The following KCNMA1 variants were observed in gnomAD, a reference collection of about 807,000 sequenced individuals.
KCNMA1 encodes the protein Calcium-activated potassium channel subunit alpha-1.
Under a neutral mutation model 140.0 loss-of-function variants are expected in KCNMA1, and 29 were observed. The observed-to-expected ratio is 0.21, with a 90% CI of 0.15 to 0.28. The LOEUF (loss-of-function observed/expected upper bound fraction) is 0.28, where lower values mean the gene tolerates loss of function less well. KCNMA1 is among the 10% of genes least tolerant of loss of function. The pLI is 1.00. For missense variants in KCNMA1, 880 were observed against 1,602.2 expected, an observed-to-expected ratio of 0.55 and a Z score of 7.70; for synonymous variants, 612 against 611.9, an observed-to-expected ratio of 1.00 and a Z score of 0.00.
At chr10:77,573,040 A>T (rs1454032241) in intron 1 of KCNMA1, among the ~76,000 whole-genome samples, 1 of 152,136 alleles carries the variant, frequency 6.6e-6, no homozygotes, top group Non-Finnish European at 1.5e-5. Context: ...CCCTCCATGA[A>T]TTAGGTAAAA....
intron 3 of KCNMA1, among the ~76,000 whole-genome samples, chr10:77,242,886 C>T (rs900289755): frequency 7.1e-6 from 1 of 141,832 alleles, no homozygotes; most frequent in African/African-American, 2.7e-5. Flanking sequence ...TTAGGCAGGA[C>T]ATAATTGTTT....
chr10:77,107,562 C>T (rs1030647016), intron 9 of KCNMA1, among the ~76,000 whole-genome samples: 6 of 152,204 alleles, frequency 3.9e-5, no homozygotes, highest in Admixed American at 6.5e-5. Flanking sequence ...GTACTGCCCT[C>T]TACTTAGGAA....
At chr10:77,470,594 C>T (rs1415377475) in intron 1 of KCNMA1, among the ~76,000 whole-genome samples, 1 of 152,188 alleles carries the variant, frequency 6.6e-6, no homozygotes, top group East Asian at 1.9e-4. Flanking sequence ...AATCTAATTC[C>T]TGACTTTTAT....
At chr10:77,590,909 A>G (rs768400579) in intron 1 of KCNMA1, among the ~76,000 whole-genome samples, 3 of 152,242 alleles carry the variant, frequency 2.0e-5, no homozygotes, top group Non-Finnish European at 4.4e-5. Flanking sequence ...GCCCACCTCA[A>G]GAAGAACCTG....
intron 24 of KCNMA1, chr10:76,914,660 T>A (rs2152432188): frequency 2.5e-6 from 1 of 394,598 alleles, no homozygotes; most frequent in South Asian, 2.5e-5. Flanking sequence ...CATTCCCAAT[T>A]GAATGCCCCA....
intron 2 of KCNMA1, among the ~76,000 whole-genome samples, chr10:77,335,612 G>C (rs992264921): frequency 6.6e-6 from 1 of 152,192 alleles, no homozygotes; most frequent in African/African-American, 2.4e-5. Context: ...GAACTGCTGG[G>C]CTGGGGTGCA....
At chr10:77,324,563 C>A (rs2083310738) in intron 2 of KCNMA1, among the ~76,000 whole-genome samples, 1 of 145,016 alleles carries the variant, frequency 6.9e-6, no homozygotes, top group African/African-American at 2.4e-5. Context: ...AAATTTTCAA[C>A]CTGAATGTCT....
In KCNMA1 at chr10:76,886,957, T is replaced by C. The variant is rs201301733; in HGVS notation, c.*309A>G. 1.1e-5 allele frequency: 14 copies of C among 1,223,644 alleles called. No individual in the cohort carries two copies. In the African/African-American group the frequency reaches 2.2e-4, roughly 19 times the overall value. The allele number at this position is 1,223,644 out of a possible 1,614,324, so 75.8% of individuals were successfully genotyped here. A position where few individuals can be genotyped will look rare whatever the true frequency, so the allele number is the denominator to read the frequency against. ...CTGCCTAACTGACGTTGATCACAAGTGCTCCCTTCTAATCTGTGAACTCGT... is the reference window on the plus strand; with the variant it reads ...CTGCCTAACTGACGTTGATCACAAGCGCTCCCTTCTAATCTGTGAACTCGT... On this transcript the variant is annotated 3_prime_UTR_variant, in exon 28 of 28. Transcript: ENST00000286628.
At chr10:77,056,873 C>A (rs1447316847) in intron 14 of KCNMA1, among the ~76,000 whole-genome samples, 1 of 151,956 alleles carries the variant, frequency 6.6e-6, no homozygotes, top group African/African-American at 2.4e-5. Flanking sequence ...GCAATTTGAA[C>A]AACAGAGAGA....
Position 77,199,539 on chromosome 10 carries a change from C to T in KCNMA1, c.603-14623G>A, listed in dbSNP as rs756242443. On this transcript the variant is annotated intron_variant, in intron 3 of 27. Coordinates refer to ENST00000286628, the MANE Select transcript of KCNMA1 (RefSeq NM_001161352.2). The stretch of plus-strand genomic sequence containing the variant: ...TGAGAGAAATAAATGAGTTAGTAAA[C>T]GTGAACTGCTTTGTTAGTGGCCAGC... Among the ~76,000 whole-genome samples the T allele has an allele frequency of 9.7e-4, 147 of 152,270 alleles. No individual in the cohort carries two copies. In the Middle Eastern group the frequency reaches 0.02, roughly 21 times the overall value.
intron 14 of KCNMA1, among the ~76,000 whole-genome samples, chr10:77,050,283 A>T (rs1350313775): frequency 3.9e-5 from 6 of 152,240 alleles, no homozygotes; most frequent in African/African-American, 7.2e-5. Flanking sequence ...CTAAAAAAAA[A>T]AAATAAAAAA....
At chr10:77,421,127 T>C (rs2096857925) in intron 1 of KCNMA1, among the ~76,000 whole-genome samples, 1 of 152,242 alleles carries the variant, frequency 6.6e-6, no homozygotes, top group Non-Finnish European at 1.5e-5. Flanking sequence ...CCTCCCTTAA[T>C]CCACAGCAAT....
chr10:76,899,409 A>C (rs7922373), intron 25 of KCNMA1, among the ~76,000 whole-genome samples: 1 of 152,172 alleles, frequency 6.6e-6, no homozygotes, highest in South Asian at 2.1e-4. Context: ...GAATGGATTT[A>C]TGAGAACCAT....
At chr10:77,183,292 A>C (rs1217568768) in intron 5 of KCNMA1, 129 bp downstream of exon 5, 1 of 723,230 alleles carries the variant, frequency 1.4e-6, no homozygotes, top group East Asian at 2.7e-5. Context: ...TAAAACTCCA[A>C]GAGCCCGTTG....
At chr10:77,450,913 T>C (rs2097641011) in intron 1 of KCNMA1, among the ~76,000 whole-genome samples, 2 of 152,180 alleles carry the variant, frequency 1.3e-5, no homozygotes, top group Admixed American at 6.5e-5. Flanking sequence ...CTGTTCTCAT[T>C]ATAGTGAATA....
chr10:76,957,955 G>A (rs2069076010), intron 20 of KCNMA1, among the ~76,000 whole-genome samples: 2 of 152,306 alleles, frequency 1.3e-5, no homozygotes, highest in Admixed American at 6.5e-5. Context: ...GTAATTTCAA[G>A]TGCCTTAGGC....
At chr10:77,588,119 G>A (rs531309991) in intron 1 of KCNMA1, among the ~76,000 whole-genome samples, 31 of 152,254 alleles carry the variant, frequency 2.0e-4, no homozygotes, top group African/African-American at 6.7e-4. Flanking sequence ...TTAACAAGCA[G>A]CCACAAAGAT....
At chr10:77,569,663 G>T (rs2070095778) in intron 1 of KCNMA1, among the ~76,000 whole-genome samples, 1 of 152,150 alleles carries the variant, frequency 6.6e-6, no homozygotes, top group Non-Finnish European at 1.5e-5. Context: ...TACCATTCAG[G>T]ACATAGGCAT....
chr10:77,111,804 G>A (rs183999023), intron 7 of KCNMA1, among the ~76,000 whole-genome samples: 1 of 152,318 alleles, frequency 6.6e-6, no homozygotes, highest in East Asian at 1.9e-4. Flanking sequence ...CACAATGGCT[G>A]TGCTCTCTAA....
Sources: gnomAD v4.1 joint callset for allele counts (sites outside exome capture counted in the v4.1 genomes callset) on GRCh38, gnomAD v4.1.1 for gene constraint, MANE v1.5 for transcripts, NCBI Gene and HGNC (gene_info 2026-07-23, HGNC 2026-07-21) for gene names.